Variants in OXCT1 observed in about 807,000 individuals in gnomAD.
OXCT1 encodes the protein 3-oxoacid CoA-transferase 1.
OXCT1 carries 27 observed loss-of-function variants against 69.6 expected under a neutral mutation model. The ratio of observed to expected loss-of-function variants is 0.39; its 90% CI spans 0.29 to 0.54. OXCT1 has a LOEUF of 0.54. Ranked by LOEUF, OXCT1 falls within the 20% of genes least tolerant of loss-of-function variation. OXCT1 has a pLI of 0.72. For missense variants in OXCT1, 437 were observed against 650.2 expected (o/e 0.67, Z 3.57); for synonymous variants, 202 against 217.8 (o/e 0.93, Z 0.64).
intron 13 of OXCT1, among the ~76,000 whole-genome samples, chr5:41,773,196 TG>T (rs1041313755): frequency 5.9e-5 from 9 of 151,654 alleles, no homozygotes; most frequent in Non-Finnish European, 1.3e-4. Context: ...ATCTATAAGA[TG>T]GGGGAAAAAA....
intron 13 of OXCT1, among the ~76,000 whole-genome samples, chr5:41,773,564 G>A (rs749749398): frequency 1.8e-4 from 28 of 151,814 alleles, no homozygotes; most frequent in Non-Finnish European, 2.8e-4. Context: ...ACCAACCAAC[G>A]CACTCCAGCC....
intron 13 of OXCT1, among the ~76,000 whole-genome samples, chr5:41,789,287 A>G (rs1745800010): frequency 6.6e-6 from 1 of 152,242 alleles, no homozygotes; most frequent in African/African-American, 2.4e-5. Flanking sequence ...AGAAAAATTT[A>G]CAAAAATAGG....
chr5:41,855,850 A>G (rs1749404137), intron 3 of OXCT1, among the ~76,000 whole-genome samples: 1 of 152,226 alleles, frequency 6.6e-6, no homozygotes, highest in African/African-American at 2.4e-5. Context: ...AAGATAGCAG[A>G]AAAAATCTTA....
At chr5:41,769,306 T>C (rs537622260) in intron 13 of OXCT1, among the ~76,000 whole-genome samples, 31 of 152,048 alleles carry the variant, frequency 2.0e-4, no homozygotes, top group African/African-American at 7.2e-4. Flanking sequence ...AAAAACACAA[T>C]AGGGAGCCTC....
At chr5:41,777,426 G>A (rs1028862924) in intron 13 of OXCT1, among the ~76,000 whole-genome samples, 5 of 152,052 alleles carry the variant, frequency 3.3e-5, no homozygotes, top group Non-Finnish European at 5.9e-5. Context: ...AAAAAAAACC[G>A]TTCAATGAAG....
chr5:41,817,092 T>C (rs989196556), intron 7 of OXCT1, among the ~76,000 whole-genome samples: 3 of 152,124 alleles, frequency 2.0e-5, no homozygotes, highest in Admixed American at 2.0e-4. Context: ...AACACCATAT[T>C]TGAAAACTTA....
intron 14 of OXCT1, among the ~76,000 whole-genome samples, chr5:41,750,806 A>G (rs1743742175): frequency 6.6e-6 from 1 of 152,132 alleles, no homozygotes; most frequent in African/African-American, 2.4e-5. Context: ...AGGGGCTTTA[A>G]TGTACTTAAG....
intron 10 of OXCT1, among the ~76,000 whole-genome samples, chr5:41,801,717 C>T (rs1746433531): frequency 6.6e-6 from 1 of 152,034 alleles, no homozygotes; most frequent in South Asian, 2.1e-4. Context: ...AATCTTACTC[C>T]TCACTACATC....
At chr5:41,741,167 G>A (rs1233221144) in intron 15 of OXCT1, among the ~76,000 whole-genome samples, 1 of 152,092 alleles carries the variant, frequency 6.6e-6, no homozygotes, top group Non-Finnish European at 1.5e-5. Flanking sequence ...GGTCAGGCTG[G>A]TCTCAAATTC....
rs755091989 is a variant in OXCT1, at chr5:41,762,107, T to C, written c.1338+4A>G. ...CAGTATTTGGGGAGCACAGTACATG[T>C]TACCTTTGCAGAATGCTCCATGGTG... is the stretch of plus-strand genomic sequence containing the variant. On this transcript the variant is annotated splice_donor_region_variant and intron_variant, in intron 14 of 16. Transcript: ENST00000196371. The surrounding 1 kb of genome is among the most constrained non-coding windows in gnomAD (Gnocchi z 4.0). 6.2e-7 allele frequency: 1 copy of C among 1,602,536 alleles called. No individual in the cohort carries two copies. Among genetic ancestry groups the C allele is most frequent in the Non-Finnish European group, 8.5e-7 (1 of 1,169,630 alleles).
chr5:41,773,044 A>T (rs1232477281), intron 13 of OXCT1, among the ~76,000 whole-genome samples: 1 of 152,188 alleles, frequency 6.6e-6, no homozygotes, highest in Non-Finnish European at 1.5e-5. Flanking sequence ...GGAAAAACAC[A>T]GTTTCTCCTT....
intron 15 of OXCT1, among the ~76,000 whole-genome samples, chr5:41,748,538 G>C (rs1400681272): frequency 2.0e-5 from 3 of 152,004 alleles, no homozygotes; most frequent in Non-Finnish European, 4.4e-5. Context: ...AGAATAGATG[G>C]TGGGATAAAA....
intron 3 of OXCT1, among the ~76,000 whole-genome samples, chr5:41,854,307 A>G (rs1446057540): frequency 6.6e-6 from 1 of 152,204 alleles, no homozygotes; most frequent in Non-Finnish European, 1.5e-5. Context: ...TATTCTTAGA[A>G]ATGGTATACA....
chr5:41,806,892 C>T (rs1746707361), intron 8 of OXCT1, among the ~76,000 whole-genome samples: 1 of 152,012 alleles, frequency 6.6e-6, no homozygotes, highest in South Asian at 2.1e-4. Flanking sequence ...CTACCCACAG[C>T]CTGAAGCTAA....
Position 41,821,659 on chromosome 5 carries a change from G to A in OXCT1, c.733-14221C>T, listed in dbSNP as rs538246902. Among the ~76,000 whole-genome samples the A allele has an allele frequency of 4.6e-5, 7 of 152,266 alleles. No individual in the cohort carries two copies. In the South Asian group the frequency reaches 1.5e-3, roughly 32 times the overall value. On this transcript the variant is annotated intron_variant, in intron 7 of 16. Coordinates refer to ENST00000196371, the MANE Select transcript of OXCT1 (RefSeq NM_000436.4). The stretch of plus-strand genomic sequence containing the variant: ...TAGCCATTCTAATAGGTGTGTAATG[G>A]CATTTCATTTAGGTTTGCAATTCCC...
chr5:41,807,715 A>G (rs1024451006), intron 7 of OXCT1, among the ~76,000 whole-genome samples: 6 of 152,092 alleles, frequency 3.9e-5, no homozygotes, highest in African/African-American at 1.4e-4. Flanking sequence ...TCTCAGTTAC[A>G]AATTTGTCAA....
At chr5:41,763,233 A>G (rs1390111587) in intron 13 of OXCT1, among the ~76,000 whole-genome samples, 3 of 152,114 alleles carry the variant, frequency 2.0e-5, no homozygotes, top group Non-Finnish European at 4.4e-5. Context: ...TTAGATGAGC[A>G]GTATGAAGAA....
At chr5:41,742,279 T>C (rs1209790973) in intron 15 of OXCT1, among the ~76,000 whole-genome samples, 5 of 152,210 alleles carry the variant, frequency 3.3e-5, no homozygotes, top group Non-Finnish European at 5.9e-5. Context: ...CATTTAGTGA[T>C]ATAAGGTGCA....
At chr5:41,776,178 A>G (rs990351318) in intron 13 of OXCT1, among the ~76,000 whole-genome samples, 1 of 152,180 alleles carries the variant, frequency 6.6e-6, no homozygotes, top group African/African-American at 2.4e-5. Context: ...CATCAGACAA[A>G]TCCAGATTGG....
Sources: allele counts gnomAD v4.1 joint callset (sites outside exome capture counted in the v4.1 genomes callset), GRCh38; gene constraint gnomAD v4.1.1; non-coding constraint Gnocchi (gnomAD v3.1); transcripts MANE v1.5; gene names NCBI Gene and HGNC (gene_info 2026-07-23, HGNC 2026-07-21).